The following PTPRD variants were observed in gnomAD, a reference collection of about 807,000 sequenced individuals.
PTPRD encodes receptor-type tyrosine-protein phosphatase delta.
Under a neutral mutation model 214.5 loss-of-function variants are expected in PTPRD, and 34 were observed. That is an observed-to-expected ratio of 0.16 (90% CI 0.12 to 0.21). PTPRD has a LOEUF of 0.21. Among genes scored for constraint, PTPRD ranks in the 10% least tolerant of loss-of-function variants. The probability of loss-of-function intolerance (pLI) is 1.00; values close to 1 mark genes in which losing one functional copy is unlikely to be tolerated. For missense variants in PTPRD, 2,545 were observed against 2,398.7 expected, an observed-to-expected ratio of 1.06 and a Z score of -1.27; for synonymous variants, 1,128 against 845.7, an observed-to-expected ratio of 1.33 and a Z score of -5.79.
intron 8 of PTPRD, among the ~76,000 whole-genome samples, chr9:9,470,315 G>C (rs2382014): frequency 0.7 from 106,608 of 152,000 alleles, 37,479 homozygotes; most frequent in South Asian, 0.75. Flanking sequence ...TCTTCATCTT[G>C]AAGTACTGGA....
chr9:10,263,024 G>T (rs762468937), intron 3 of PTPRD, among the ~76,000 whole-genome samples: 9 of 152,088 alleles, frequency 5.9e-5, no homozygotes, highest in Non-Finnish European at 1.3e-4. Context: ...TGGCTCTCAT[G>T]ATCTCTTGCC....
In PTPRD at chr9:8,456,142, C is replaced by T. The variant is rs141608753; in HGVS notation, c.3875+4269G>A. 1.1e-3 allele frequency among the ~76,000 whole-genome samples: 165 copies of T among 152,154 alleles called. 1 individual carries two copies. Among genetic ancestry groups the T allele is most frequent in the African/African-American group, 4.0e-3 (164 of 41,514 alleles). On this transcript the variant is annotated intron_variant, in intron 33 of 45. Coordinates refer to ENST00000381196, the MANE Select transcript of PTPRD (RefSeq NM_002839.4). ...TTTAATTATTCAATATTTTTGTGTG[C>T]CAGGCACTCTACTAGGCAGTAGCAA...
At chr9:9,472,100 A>C (rs918148146) in intron 8 of PTPRD, among the ~76,000 whole-genome samples, 8 of 151,780 alleles carry the variant, frequency 5.3e-5, no homozygotes, top group Admixed American at 3.3e-4. Flanking sequence ...TAAATTTTCT[A>C]TTCTACCTTA....
At chr9:8,569,048 C>T (rs1244603734) in intron 14 of PTPRD, among the ~76,000 whole-genome samples, 1 of 152,012 alleles carries the variant, frequency 6.6e-6, no homozygotes, top group East Asian at 1.9e-4. Flanking sequence ...ATGTTTTATT[C>T]TCTCTCCCAA....
intron 2 of PTPRD, among the ~76,000 whole-genome samples, chr9:10,514,881 G>T (rs948595248): frequency 9.9e-5 from 15 of 151,826 alleles, no homozygotes; most frequent in African/African-American, 3.4e-4. Context: ...CCATTAAAAA[G>T]AAATTATTTT....
chr9:9,521,102 C>T (rs192520023), intron 8 of PTPRD, among the ~76,000 whole-genome samples: 6 of 152,246 alleles, frequency 3.9e-5, no homozygotes, highest in African/African-American at 1.2e-4. Context: ...AGAACCTCTC[C>T]ATAACTATTT....
chr9:8,553,861 G>T (rs2082863503), intron 14 of PTPRD, among the ~76,000 whole-genome samples: 1 of 152,252 alleles, frequency 6.6e-6, no homozygotes, highest in African/African-American at 2.4e-5. Context: ...CAAAAAAGAA[G>T]GCGGCCAGTC....
At chr9:9,628,039 T>G (rs1242060430) in intron 7 of PTPRD, among the ~76,000 whole-genome samples, 4 of 152,218 alleles carry the variant, frequency 2.6e-5, no homozygotes, top group Non-Finnish European at 4.4e-5. Flanking sequence ...TATTTGTATA[T>G]TTGCATTTAA....
chr9:9,296,864 G>A (rs1352065105), intron 9 of PTPRD, among the ~76,000 whole-genome samples: 2 of 151,752 alleles, frequency 1.3e-5, no homozygotes, highest in African/African-American at 2.4e-5. Flanking sequence ...CAAAAGCAAA[G>A]CCTAGACTAA....
At chr9:8,830,893 A>G (rs2097275417) in intron 11 of PTPRD, among the ~76,000 whole-genome samples, 2 of 152,302 alleles carry the variant, frequency 1.3e-5, no homozygotes, top group African/African-American at 4.8e-5. Context: ...TTGATTAATT[A>G]TTAGTGAAAC....
intron 3 of PTPRD, among the ~76,000 whole-genome samples, chr9:10,106,209 T>A (rs911217779): frequency 2.6e-5 from 4 of 151,750 alleles, no homozygotes; most frequent in South Asian, 2.1e-4. Context: ...ATGCAGAAAA[T>A]AAGGTTGATT....
intron 11 of PTPRD, among the ~76,000 whole-genome samples, chr9:8,996,276 T>C (rs984603547): frequency 2.0e-5 from 3 of 152,052 alleles, no homozygotes; most frequent in African/African-American, 7.2e-5. Context: ...TGGAATGCTT[T>C]TCAGTTAAAA....
intron 7 of PTPRD, among the ~76,000 whole-genome samples, chr9:9,657,279 A>T (rs1487901344): frequency 6.6e-6 from 1 of 152,132 alleles, no homozygotes; most frequent in Non-Finnish European, 1.5e-5. Flanking sequence ...GCAGCCATAA[A>T]AAAAAAGGTC....
intron 5 of PTPRD, among the ~76,000 whole-genome samples, chr9:9,851,328 G>A (rs906897206): frequency 6.6e-6 from 1 of 152,184 alleles, no homozygotes; most frequent in African/African-American, 2.4e-5. Flanking sequence ...GCTCTCGTCA[G>A]GCCAGCCTTG....
chr9:9,014,460 A>G (rs2099525933), intron 11 of PTPRD, among the ~76,000 whole-genome samples: 1 of 152,128 alleles, frequency 6.6e-6, no homozygotes, highest in Admixed American at 6.6e-5. Flanking sequence ...AGTTTTATAA[A>G]AGTGTTAATA....
At chr9:10,463,597 C>A (rs895741753) in intron 2 of PTPRD, among the ~76,000 whole-genome samples, 1 of 151,834 alleles carries the variant, frequency 6.6e-6, no homozygotes, top group Non-Finnish European at 1.5e-5. Context: ...AGGAAATAGT[C>A]TTAAATTTCA....
chr9:9,303,213 C>G (rs1454479511), intron 9 of PTPRD, among the ~76,000 whole-genome samples: 1 of 151,894 alleles, frequency 6.6e-6, no homozygotes, highest in Non-Finnish European at 1.5e-5. Context: ...TCCCCATTAT[C>G]CTATTTTTAT....
chr9:10,207,276 T>G (rs2099487934), intron 3 of PTPRD, among the ~76,000 whole-genome samples: 1 of 152,096 alleles, frequency 6.6e-6, no homozygotes, highest in African/African-American at 2.4e-5. Context: ...TTTTGTCTGA[T>G]CTCTTTAATT....
chr9:8,444,265 T>C (rs767667210), intron 34 of PTPRD, among the ~76,000 whole-genome samples: 7 of 152,170 alleles, frequency 4.6e-5, no homozygotes, highest in Non-Finnish European at 1.0e-4. Context: ...ACTACCATCA[T>C]TGTCATTATC....
Sources: gnomAD v4.1 joint callset for allele counts (sites outside exome capture counted in the v4.1 genomes callset) on GRCh38, gnomAD v4.1.1 for gene constraint, MANE v1.5 for transcripts, NCBI Gene and HGNC (gene_info 2026-07-23, HGNC 2026-07-21) for gene names.